The following SYNPR variants were observed in gnomAD, a reference collection of about 807,000 sequenced individuals.
The protein encoded by SYNPR is synaptoporin.
SYNPR carries 23 observed loss-of-function variants against 32.9 expected under a neutral mutation model. That is an observed-to-expected ratio of 0.70 (90% CI 0.50 to 0.99). The LOEUF is 0.99. Ranked by LOEUF, SYNPR falls within the 50% of genes least tolerant of loss-of-function variation. The pLI is 0.00. For synonymous variants in SYNPR, 146 were observed against 135.9 expected (o/e 1.07, Z -0.52); for missense variants, 318 against 349.3 (o/e 0.91, Z 0.71).
intron 3 of SYNPR, among the ~76,000 whole-genome samples, chr3:63,536,652 C>T (rs973131806): frequency 6.6e-6 from 1 of 152,074 alleles, no homozygotes; most frequent in East Asian, 1.9e-4. Flanking sequence ...AAATATATGT[C>T]CACACAAAAA....
intron 3 of SYNPR, among the ~76,000 whole-genome samples, chr3:63,551,869 C>CTATTTATTTATTTATT (rs10527039): frequency 4.1e-5 from 6 of 144,758 alleles, no homozygotes; most frequent in Admixed American, 1.4e-4. Context: ...CAGCATCTAG[C>CTATTTATTTATTTATT]TATTTATTTA....
At chr3:63,392,322 T>C (rs902744151) in intron 2 of SYNPR, among the ~76,000 whole-genome samples, 1 of 152,234 alleles carries the variant, frequency 6.6e-6, no homozygotes, top group African/African-American at 2.4e-5. Context: ...GGTTACGCCA[T>C]TGTACACAAA....
chr3:63,274,663 C>T (rs2086560367), upstream of SYNPR, among the ~76,000 whole-genome samples: 3 of 152,142 alleles, frequency 2.0e-5, no homozygotes, highest in South Asian at 6.2e-4. Context: ...TAGAACAGTA[C>T]CAGGGCACAA....
chr3:63,251,846 A>G (rs1388520414), intron 1 of SYNPR, among the ~76,000 whole-genome samples: 1 of 152,000 alleles, frequency 6.6e-6, no homozygotes, highest in African/African-American at 2.4e-5. Flanking sequence ...TAACTCAGAC[A>G]AATGCCATGA....
intron 2 of SYNPR, among the ~76,000 whole-genome samples, chr3:63,440,546 A>C (rs915996661): frequency 6.6e-6 from 1 of 152,158 alleles, no homozygotes; most frequent in African/African-American, 2.4e-5. Flanking sequence ...AGGTGACAGA[A>C]GGGTGGTAGC....
chr3:63,263,647 T>C (rs1250361918), intron 2 of SYNPR, among the ~76,000 whole-genome samples: 4 of 152,184 alleles, frequency 2.6e-5, no homozygotes, highest in Non-Finnish European at 5.9e-5. Flanking sequence ...GGTGAGTTGG[T>C]GCTGGCTGCC....
At chr3:63,267,347 C>G (rs2367775) in exon 3 of SYNPR, 117,124 of 152,034 alleles carry the variant, frequency 0.77, 46,039 homozygotes, top group Middle Eastern at 0.85. Context: ...CCTGGAGTGT[C>G]AATAGGACCT....
At chr3:63,574,496 G>C (rs1262176793) in intron 4 of SYNPR, among the ~76,000 whole-genome samples, 1 of 152,292 alleles carries the variant, frequency 6.6e-6, no homozygotes, top group Non-Finnish European at 1.5e-5. Flanking sequence ...GCAAAGTGAG[G>C]AGAAGTGGAA....
At chr3:63,428,067 C>A (rs1396181830) in intron 2 of SYNPR, among the ~76,000 whole-genome samples, 7 of 152,172 alleles carry the variant, frequency 4.6e-5, no homozygotes, top group Non-Finnish European at 1.0e-4. Flanking sequence ...TTTGAACCAA[C>A]AATTTCATAG....
At chr3:63,448,537 G>A (rs1700321242) in intron 2 of SYNPR, among the ~76,000 whole-genome samples, 1 of 152,128 alleles carries the variant, frequency 6.6e-6, no homozygotes, top group Admixed American at 6.6e-5. Flanking sequence ...CCATGAGGGA[G>A]GAAAATGGAT....
At chr3:63,572,931 T>C (rs989335387) in intron 4 of SYNPR, among the ~76,000 whole-genome samples, 1 of 152,098 alleles carries the variant, frequency 6.6e-6, no homozygotes, top group Admixed American at 6.6e-5. Flanking sequence ...TGTGTGTGTG[T>C]GTGTGATTTT....
chr3:63,434,066 C>G (rs535570786), intron 2 of SYNPR, among the ~76,000 whole-genome samples: 1 of 152,168 alleles, frequency 6.6e-6, no homozygotes, highest in Admixed American at 6.5e-5. Context: ...CTTTTTGGAG[C>G]TCCATGAAAA....
chr3:63,410,350 T>TG (rs1560221923), intron 2 of SYNPR, among the ~76,000 whole-genome samples: 1 of 151,956 alleles, frequency 6.6e-6, no homozygotes, highest in Admixed American at 6.6e-5. Context: ...AATACTGCTT[T>TG]CTGTCATCTC....
At chr3:63,409,752 T>C (rs140474689) in intron 2 of SYNPR, among the ~76,000 whole-genome samples, 1,586 of 152,310 alleles carry the variant, frequency 0.01, 12 homozygotes, top group Middle Eastern at 0.034. Flanking sequence ...TTCAGAAAAG[T>C]TAAGGCCATC....
rs368074591 is a variant in SYNPR, at chr3:63,517,782, G to T, written c.209+36826G>T. Among the ~76,000 whole-genome samples, 5 of 152,240 alleles carry T rather than the reference G, an allele frequency of 3.3e-5. No homozygotes were observed. The South Asian group carries it at 1.0e-3, about 32-fold the overall frequency. The stretch of plus-strand genomic sequence containing the variant: ...ATCTGAATGAGGTCAGAAGGGAGAG[G>T]CTATAGCCAACTCAGGGCTCCAGTT... On this transcript the variant is annotated intron_variant, in intron 3 of 5. Coordinates refer to ENST00000478300, the MANE Select transcript of SYNPR (RefSeq NM_001130003.2).
intron 1 of SYNPR, among the ~76,000 whole-genome samples, chr3:63,229,235 A>T (rs748387077): frequency 2.0e-5 from 3 of 152,150 alleles, no homozygotes; most frequent in Non-Finnish European, 4.4e-5. Flanking sequence ...TGAAAGAGAC[A>T]TTTAAAGTAC....
chr3:63,271,027 CCTTCCTTCCTTCTTTT>C (rs1268243416), intron 3 of SYNPR, among the ~76,000 whole-genome samples: 1 of 102,020 alleles, frequency 9.8e-6, no homozygotes, highest in East Asian at 2.6e-4. Flanking sequence ...TTCCTTCTTT[CCTTCCTTCCTTCTTTT>C]CTTCCTTCCT....
At chr3:63,396,446 C>T (rs2088213842) in intron 2 of SYNPR, among the ~76,000 whole-genome samples, 1 of 152,134 alleles carries the variant, frequency 6.6e-6, no homozygotes, top group Non-Finnish European at 1.5e-5. Context: ...TCGCTCCTTC[C>T]CAAGACATCC....
At chr3:63,264,847 A>G (rs2086469777) in intron 2 of SYNPR, among the ~76,000 whole-genome samples, 1 of 152,026 alleles carries the variant, frequency 6.6e-6, no homozygotes, top group East Asian at 1.9e-4. Flanking sequence ...GAAATTCCAG[A>G]CGCTTATAAA....
Sources: gnomAD v4.1 joint callset for allele counts (sites outside exome capture counted in the v4.1 genomes callset) on GRCh38, gnomAD v4.1.1 for gene constraint, MANE v1.5 for transcripts, NCBI Gene and HGNC (gene_info 2026-07-23, HGNC 2026-07-21) for gene names.